Variants in LRP1B observed in about 807,000 individuals in gnomAD.
LRP1B encodes LDL receptor related protein 1B.
A neutral mutation model predicts 556.6 loss-of-function variants in LRP1B; 217 were observed. The ratio of observed to expected loss-of-function variants is 0.39; its 90% CI spans 0.35 to 0.44. The LOEUF (loss-of-function observed/expected upper bound fraction) is 0.44, where lower values mean the gene tolerates loss of function less well. Ranked by LOEUF, LRP1B falls within the 20% of genes least tolerant of loss-of-function variation. The pLI, the probability that LRP1B is intolerant of heterozygous loss-of-function variation, is 1.00. For synonymous variants in LRP1B, 2,047 were observed against 1,865.8 expected (o/e 1.10, Z -2.50); for missense variants, 5,053 against 5,620.8 (o/e 0.90, Z 3.23).
chr2:141,802,626 A>G (rs1553466406), intron 2 of LRP1B, among the ~76,000 whole-genome samples: 2 of 152,134 alleles, frequency 1.3e-5, no homozygotes, highest in Non-Finnish European at 2.9e-5. Flanking sequence ...AGAGGGAGAG[A>G]GAAAAAAAGG....
intron 43 of LRP1B, among the ~76,000 whole-genome samples, chr2:140,574,920 A>G (rs1428480597): frequency 6.6e-6 from 1 of 152,238 alleles, no homozygotes; most frequent in Non-Finnish European, 1.5e-5. Context: ...CAGCATTCAT[A>G]GCAAATAATT....
Position 141,010,951 on chromosome 2 carries a change from G to GGTGT in LRP1B, c.2380+2601_2380+2604dup, listed in dbSNP as rs71995663. 6.2e-3 allele frequency among the ~76,000 whole-genome samples: 903 copies of GGTGT among 144,652 alleles called. 12 individuals carry two copies. Among genetic ancestry groups the GGTGT allele is most frequent in the African/African-American group, 0.018 (702 of 39,662 alleles). The allele number at this position is 144,652 out of a possible 152,430, so 94.9% of individuals were successfully genotyped here. A position where few individuals can be genotyped will look rare whatever the true frequency, so the allele number is the denominator to read the frequency against. Reference sequence around the variant, plus strand: ...ATTTTTCATGGTGGTCTTGTCAGATGGTGTGTGTGTGTGTGTGTGTGTGTG... The same window carrying GGTGT: ...ATTTTTCATGGTGGTCTTGTCAGATGGTGTGTGTGTGTGTGTGTGTGTGTGTGTG... On this transcript the variant is annotated intron_variant, in intron 14 of 90. Coordinates refer to ENST00000389484, the MANE Select transcript of LRP1B (RefSeq NM_018557.3).
intron 36 of LRP1B, 132 bp from the exon 37 acceptor site, chr2:140,716,234 G>A: frequency 3.2e-6 from 2 of 628,920 alleles, no homozygotes; most frequent in South Asian, 6.0e-5. Flanking sequence ...CTTTTTAAAT[G>A]TGTTTCCTAA....
At chr2:140,836,474 A>G (rs145081691) in intron 31 of LRP1B, among the ~76,000 whole-genome samples, 400 of 152,242 alleles carry the variant, frequency 2.6e-3, no homozygotes, top group African/African-American at 9.0e-3. Context: ...TAATTTCTAG[A>G]TTTCTGAATT....
intron 29 of LRP1B, among the ~76,000 whole-genome samples, chr2:140,844,020 G>A (rs1242949442): frequency 6.6e-6 from 1 of 151,524 alleles, no homozygotes. Context: ...TGTCTATGTT[G>A]AGGAGTATGT....
chr2:140,875,552 T>C (rs1693279190), intron 25 of LRP1B, among the ~76,000 whole-genome samples: 1 of 152,190 alleles, frequency 6.6e-6, no homozygotes, highest in African/African-American at 2.4e-5. Flanking sequence ...GTTATCACTT[T>C]GGTCAAATGA....
chr2:140,526,183 G>A (rs1690424868), intron 48 of LRP1B, 54 bp downstream of exon 48: 3 of 1,528,332 alleles, frequency 2.0e-6, no homozygotes, highest in Non-Finnish European at 2.7e-6. Flanking sequence ...AGTGTTCAAT[G>A]CAATGCCAAA....
chr2:141,800,983 T>A (rs530792687), intron 2 of LRP1B, among the ~76,000 whole-genome samples: 1 of 152,310 alleles, frequency 6.6e-6, no homozygotes, highest in South Asian at 2.1e-4. Context: ...ATGTATCATT[T>A]ATTTCAAAAT....
intron 82 of LRP1B, among the ~76,000 whole-genome samples, chr2:140,316,816 T>C (rs1176775916): frequency 6.6e-6 from 1 of 152,156 alleles, no homozygotes; most frequent in African/African-American, 2.4e-5. Context: ...TACACACATA[T>C]ACACAAATGA....
chr2:141,074,150 T>A (rs1699719552), intron 7 of LRP1B, among the ~76,000 whole-genome samples: 1 of 152,088 alleles, frequency 6.6e-6, no homozygotes. Flanking sequence ...GGACATCCAG[T>A]GATGCTCTTC....
chr2:141,480,646 T>C (rs1479768739), intron 2 of LRP1B, 113 bp from the exon 3 acceptor site: 1 of 1,023,384 alleles, frequency 9.8e-7, no homozygotes, highest in South Asian at 1.3e-5. Context: ...TAGAAAATAC[T>C]GTAAGAGTGC....
intron 71 of LRP1B, among the ~76,000 whole-genome samples, chr2:140,366,607 A>G (rs547052119): frequency 6.6e-6 from 1 of 151,808 alleles, no homozygotes; most frequent in Non-Finnish European, 1.5e-5. Flanking sequence ...AAAAGTAATC[A>G]AAATGGTTAC....
intron 66 of LRP1B, among the ~76,000 whole-genome samples, chr2:140,400,766 C>G (rs1203921906): frequency 6.6e-6 from 1 of 151,272 alleles, no homozygotes; most frequent in Non-Finnish European, 1.5e-5. Flanking sequence ...CAGGCAGAAG[C>G]CTACATTGTG....
intron 2 of LRP1B, among the ~76,000 whole-genome samples, chr2:141,579,902 G>A (rs751279989): frequency 2.0e-5 from 3 of 151,732 alleles, no homozygotes; most frequent in Non-Finnish European, 2.9e-5. Context: ...GGGTTTCACC[G>A]CATTAGCCAG....
At chr2:140,823,380 T>C (rs1691393313) in intron 31 of LRP1B, among the ~76,000 whole-genome samples, 1 of 152,172 alleles carries the variant, frequency 6.6e-6, no homozygotes, top group Non-Finnish European at 1.5e-5. Context: ...CATTAAATAA[T>C]AATTACAATA....
intron 1 of LRP1B, among the ~76,000 whole-genome samples, chr2:141,839,806 C>T (rs556053046): frequency 2.0e-5 from 3 of 152,230 alleles, no homozygotes; most frequent in Non-Finnish European, 4.4e-5. Flanking sequence ...ATTTACTGAA[C>T]AAGAAATCAC....
intron 66 of LRP1B, among the ~76,000 whole-genome samples, chr2:140,427,585 A>T (rs543769943): frequency 4.6e-5 from 7 of 152,258 alleles, no homozygotes; most frequent in Admixed American, 2.6e-4. Context: ...ATCCTACAAG[A>T]TCTAAATAAT....
intron 87 of LRP1B, among the ~76,000 whole-genome samples, chr2:140,244,227 C>T (rs1030210672): frequency 6.6e-6 from 1 of 150,952 alleles, no homozygotes; most frequent in Non-Finnish European, 1.5e-5. Context: ...ATTTATAATT[C>T]CTGGTATAAT....
chr2:140,286,810 GCACT>G (rs534685934), intron 84 of LRP1B, among the ~76,000 whole-genome samples: 13 of 151,540 alleles, frequency 8.6e-5, no homozygotes, highest in Admixed American at 2.6e-4. Flanking sequence ...ATCATCATAA[GCACT>G]CAAAGTATCT....
Sources: allele counts gnomAD v4.1 joint callset (sites outside exome capture counted in the v4.1 genomes callset), GRCh38; gene constraint gnomAD v4.1.1; transcripts MANE v1.5; gene names NCBI Gene and HGNC (gene_info 2026-07-23, HGNC 2026-07-21).